MLLT1: variants seen among roughly 807,000 people sequenced by gnomAD.
MLLT1 encodes MLLT1 super elongation complex subunit, also known as protein ENL.
A neutral mutation model predicts 55.1 loss-of-function variants in MLLT1; 11 were observed. That is an observed-to-expected ratio of 0.20 (90% CI 0.13 to 0.33). The LOEUF (loss-of-function observed/expected upper bound fraction) is 0.33. MLLT1 is among the 10% of genes least tolerant of loss of function. The pLI is 1.00. For missense variants in MLLT1, 536 were observed against 760.6 expected, an observed-to-expected ratio of 0.70 and a Z score of 3.47; for synonymous variants, 323 against 320.1, an observed-to-expected ratio of 1.01 and a Z score of -0.10.
At chr19:6,275,951 G>A (rs76142227) in intron 1 of MLLT1, among the ~76,000 whole-genome samples, 1 of 152,246 alleles carries the variant, frequency 6.6e-6, no homozygotes, top group African/African-American at 2.4e-5. Context: ...CTCCAGGGGG[G>A]AGGGGGAGGA....
Position 6,222,228 on chromosome 19 carries a change from T to G in MLLT1, c.1003A>C (p.Ser335Arg). 6.2e-7 allele frequency: 1 copy of G among 1,613,182 alleles called. No individual in the cohort carries two copies. The highest frequency in any genetic ancestry group is 8.5e-7 in the Non-Finnish European group (1 of 1,179,724). Residue 335 changes from serine (S) to arginine (R), a missense_variant, in exon 6 of 12, where the codon AGC (serine) becomes CGC (arginine). Ser to Arg is a moderately radical substitution (Grantham distance 110, BLOSUM62 -1). Around this residue, in one of 3 missense-constraint regions of MLLT1, gnomAD observed 449 missense variants for 489.0 expected, o/e 0.92. Transcript: ENST00000252674. The surrounding 1 kb of genome is among the most constrained non-coding windows in gnomAD (Gnocchi z 4.1). The stretch of plus-strand genomic sequence containing the variant: ...GCCTTCACCTTCTCCCCTCTGGTGC[T>G]GCTCTTGTCCTTGGCCGGCTTCTTG... ...SDKKPAKDKS[S>R]TRGEKVKAES...
At position 6,222,991 on chromosome 19, in the gene MLLT1, CCACTTCGCCCG is replaced by C. The variant is rs1182662552; in HGVS notation, c.547-318_547-308del. On this transcript the variant is annotated intron_variant, in intron 5 of 11. Coordinates refer to ENST00000252674, the MANE Select transcript of MLLT1 (RefSeq NM_005934.4). This position sits in a 1 kb window ranked among gnomAD's most constrained non-coding sequence, Gnocchi z 4.1. ...ACAGGGTGAGTCAGGCAGAGCATGG[CCACTTCGCCCG>C]CACCCGCCCGCCCTAACACCTCACA... 6.6e-6 allele frequency among the ~76,000 whole-genome samples: 1 copy of C among 152,180 alleles called. No homozygotes were observed. Among genetic ancestry groups the C allele is most frequent in the Non-Finnish European group, 1.5e-5 (1 of 68,026 alleles).
chr19:6,253,020 T>A (rs1258476977), intron 3 of MLLT1, among the ~76,000 whole-genome samples: 1 of 151,872 alleles, frequency 6.6e-6, no homozygotes, highest in East Asian at 1.9e-4. Context: ...TCCCAGCACT[T>A]TGGGAGACCG....
intron 1 of MLLT1, 48 bp downstream of exon 1, chr19:6,279,725 G>T: frequency 6.8e-6 from 1 of 147,790 alleles, no homozygotes; most frequent in South Asian, 1.8e-4. Flanking sequence ...GCCGGCGGGC[G>T]GGAGGGGGCC....
chr19:6,211,285 C>T lies in MLLT1; in HGVS notation c.*1757G>A, dbSNP rs866572244. 11 of 232,686 alleles carry T rather than the reference C, an allele frequency of 4.7e-5. No individual in the cohort carries two copies. The highest frequency in any genetic ancestry group is 2.2e-4 in the African/African-American group (10 of 45,284). 14.4% of individuals were successfully genotyped at this position (232,686 alleles called of 1,614,324 possible). A position where few individuals can be genotyped will look rare whatever the true frequency, so the allele number is the denominator to read the frequency against. ...GGGAGAGGGGGCACAGGGGCCTGCC[C>T]TCTTCCTGATACCTGAAGGCAGTGG... On this transcript the variant is annotated 3_prime_UTR_variant, in exon 12 of 12. Coordinates refer to ENST00000252674, the MANE Select transcript of MLLT1 (RefSeq NM_005934.4). This position sits in a 1 kb window ranked among gnomAD's most constrained non-coding sequence, Gnocchi z 4.6.
At chr19:6,215,467 G>A (rs990546707) in intron 8 of MLLT1, among the ~76,000 whole-genome samples, 10 of 152,118 alleles carry the variant, frequency 6.6e-5, no homozygotes, top group East Asian at 1.9e-4. Context: ...TCCCACCAGC[G>A]GCTCCCCCGC....
rs2144966238 is a variant in MLLT1 at position 6,273,892 on chromosome 19, C to G, written c.13-3133G>C. On this transcript the variant is annotated intron_variant, in intron 1 of 11. Coordinates refer to ENST00000252674, the MANE Select transcript of MLLT1 (RefSeq NM_005934.4). This position sits in a 1 kb window ranked among gnomAD's most constrained non-coding sequence, Gnocchi z 4.3. ...TACCCAGGGCACGCAGGCGGCAGAGCAGTTATTGTGAAAGAGTGAAAGACC... is the reference window on the plus strand; with the variant it reads ...TACCCAGGGCACGCAGGCGGCAGAGGAGTTATTGTGAAAGAGTGAAAGACC... Among the ~76,000 whole-genome samples, 1 of 152,312 alleles carries G rather than the reference C, an allele frequency of 6.6e-6. No individual in the cohort carries two copies. The highest frequency in any genetic ancestry group is 2.4e-5 in the African/African-American group (1 of 41,574).
chr19:6,218,010 G>A lies in MLLT1; in HGVS notation c.1142C>T (p.Ser381Phe). The A allele has an allele frequency of 1.2e-6, 2 of 1,610,018 alleles. No individual in the cohort carries two copies. Among genetic ancestry groups the A allele is most frequent in the Non-Finnish European group, 1.7e-6 (2 of 1,178,066 alleles). ...TGAGTCTGAGCTGGAGTCTGAGCTG[G>A]AGCTGGAGTTGGACGGGCTTGACTG... The part of the protein sequence containing the change: ...SAQSSPSNSS[S>F]SSDSSSDSDF... Residue 381 changes from serine to phenylalanine, a missense_variant, in exon 7 of 12, where the codon TCC becomes TTC. Coordinates refer to ENST00000252674, the MANE Select transcript of MLLT1 (RefSeq NM_005934.4).
At chr19:6,252,584 A>T (rs2091225816) in intron 3 of MLLT1, among the ~76,000 whole-genome samples, 1 of 152,242 alleles carries the variant, frequency 6.6e-6, no homozygotes. Context: ...CAGTGTACAC[A>T]GTGCTCAGAG....
Position 6,273,382 on chromosome 19 carries a change from G to A in MLLT1, c.13-2623C>T, listed in dbSNP as rs2091409449. On this transcript the variant is annotated intron_variant, in intron 1 of 11. Coordinates refer to ENST00000252674, the MANE Select transcript of MLLT1 (RefSeq NM_005934.4). The surrounding 1 kb of genome is among the most constrained non-coding windows in gnomAD (Gnocchi z 4.3). The stretch of plus-strand genomic sequence containing the variant: ...CAGCAGGGACATTCACGACCCCAGT[G>A]TGGGAAGAAAGTGGGGATGGACGGA... Among the ~76,000 whole-genome samples the A allele has an allele frequency of 6.6e-6, 1 of 152,184 alleles. No homozygotes were observed. The highest frequency in any genetic ancestry group is 2.4e-5 in the African/African-American group (1 of 41,434).
At position 6,211,754 on chromosome 19, in the gene MLLT1, C is replaced by A; in HGVS notation, c.*1288G>T. 9.4e-7 allele frequency: 1 copy of A among 1,064,562 alleles called. No individual in the cohort carries two copies. Among genetic ancestry groups the A allele is most frequent in the African/African-American group, 1.6e-5 (1 of 61,128 alleles). The allele number at this position is 1,064,562 out of a possible 1,614,324, so 65.9% of individuals were successfully genotyped here. On this transcript the variant is annotated 3_prime_UTR_variant, in exon 12 of 12. Coordinates refer to ENST00000252674, the MANE Select transcript of MLLT1 (RefSeq NM_005934.4). This position sits in a 1 kb window ranked among gnomAD's most constrained non-coding sequence, Gnocchi z 4.6. ...GGCCTCCAGCCCCTGGGACCCCCAG[C>A]CACGATGGGCTGGCTCCGCGGGAGC...
intron 3 of MLLT1, among the ~76,000 whole-genome samples, chr19:6,237,730 T>C (rs1600190754): frequency 7.3e-6 from 1 of 136,436 alleles, no homozygotes; most frequent in Non-Finnish European, 1.5e-5. Flanking sequence ...ATTGAGCCAC[T>C]CCAGCCTGGG....
At chr19:6,228,139 T>C (rs911629344) in intron 4 of MLLT1, among the ~76,000 whole-genome samples, 1 of 152,102 alleles carries the variant, frequency 6.6e-6, no homozygotes, top group African/African-American at 2.4e-5. Context: ...ACTGACAGCA[T>C]GTGTGCCCCA....
At position 6,213,960 on chromosome 19, in the gene MLLT1, C is replaced by T; in HGVS notation, c.1386G>A (p.Lys462=). Reference sequence around the variant, plus strand: ...TCACCTTGCTGTTGGGCGGGGGTGGCTTCTGGGGGGGTGGGGGCTCACGGC... The same window carrying T: ...TCACCTTGCTGTTGGGCGGGGGTGGTTTCTGGGGGGGTGGGGGCTCACGGC... The part of the protein sequence containing the change: ...LPSREPPPPQ[K]PPPPNSKVSG... Residue 462 remains lysine, a synonymous_variant, in exon 9 of 12, where the codon AAG becomes AAA. Coordinates refer to ENST00000252674, the MANE Select transcript of MLLT1 (RefSeq NM_005934.4). 1 of 1,440,924 alleles carries T rather than the reference C, an allele frequency of 6.9e-7. No homozygotes were observed. Among genetic ancestry groups the T allele is most frequent in the Admixed American group, 2.6e-5 (1 of 37,778 alleles). 89.3% of individuals were successfully genotyped at this position (1,440,924 alleles called of 1,614,324 possible).
intron 2 of MLLT1, among the ~76,000 whole-genome samples, chr19:6,266,742 C>G (rs1004160235): frequency 6.6e-6 from 1 of 152,208 alleles, no homozygotes; most frequent in Non-Finnish European, 1.5e-5. Flanking sequence ...CAGGCATGAG[C>G]CACTGCGCCC....
chr19:6,229,779 C>T lies in MLLT1; in HGVS notation c.420+791G>A, dbSNP rs2090990633. Among the ~76,000 whole-genome samples, 1 of 151,794 alleles carries T rather than the reference C, an allele frequency of 6.6e-6. No individual in the cohort carries two copies. Among genetic ancestry groups the T allele is most frequent in the Admixed American group, 6.6e-5 (1 of 15,232 alleles). ...ACCCCACACATACACACGACACACA[C>T]CCCATACCACACATGCCACTCACAC... On this transcript the variant is annotated intron_variant, in intron 4 of 11. Coordinates refer to ENST00000252674, the MANE Select transcript of MLLT1 (RefSeq NM_005934.4). This position sits in a 1 kb window ranked among gnomAD's most constrained non-coding sequence, Gnocchi z 5.2.
chr19:6,215,955 C>G (rs2090838981), intron 8 of MLLT1, among the ~76,000 whole-genome samples: 1 of 152,310 alleles, frequency 6.6e-6, no homozygotes, highest in East Asian at 1.9e-4. Context: ...AAAGCTGCTC[C>G]CACACTGGGT....
At chr19:6,232,322 G>A (rs770378336) in intron 3 of MLLT1, among the ~76,000 whole-genome samples, 16 of 152,160 alleles carry the variant, frequency 1.1e-4, no homozygotes, top group Non-Finnish European at 1.9e-4. Flanking sequence ...CAAGGGTGAC[G>A]ACACCACTCA....
chr19:6,245,185 T>A (rs1005450827), intron 3 of MLLT1, among the ~76,000 whole-genome samples: 71 of 152,070 alleles, frequency 4.7e-4, no homozygotes, highest in African/African-American at 1.7e-3. Context: ...AAAAAAAAAT[T>A]TTTTTAAATC....
Sources: gnomAD v4.1 joint callset for allele counts (sites outside exome capture counted in the v4.1 genomes callset) on GRCh38, gnomAD v4.1.1 for gene constraint, gnomAD v4.1.1 regional missense constraint, Gnocchi (gnomAD v3.1) non-coding constraint, MANE v1.5 for transcripts, NCBI Gene and HGNC (gene_info 2026-07-23, HGNC 2026-07-21) for gene names.